The following KCNJ16 variants were observed in gnomAD, a reference collection of about 807,000 sequenced individuals.
KCNJ16 encodes the protein inward rectifier potassium channel 16.
KCNJ16 carries 15 observed loss-of-function variants against 18.5 expected under a neutral mutation model. The observed-to-expected ratio is 0.81, with a 90% CI of 0.54 to 1.25. The LOEUF (loss-of-function observed/expected upper bound fraction) is 1.25, where lower values mean the gene tolerates loss of function less well. KCNJ16 is among the 50% of genes most tolerant of loss of function. The probability of loss-of-function intolerance (pLI) is 0.00; values close to 1 mark genes in which losing one functional copy is unlikely to be tolerated. For synonymous variants in KCNJ16, 174 were observed against 186.5 expected (o/e 0.93, Z 0.55); for missense variants, 523 against 525.7 (o/e 0.99, Z 0.05).
At chr17:70,109,084 T>C (rs1452380257) in intron 2 of KCNJ16, among the ~76,000 whole-genome samples, 2 of 152,132 alleles carry the variant, frequency 1.3e-5, no homozygotes, top group Non-Finnish European at 2.9e-5. Flanking sequence ...GTGTTGTCTT[T>C]TCCTGAGTTC....
intron 1 of KCNJ16, among the ~76,000 whole-genome samples, chr17:70,100,326 C>T (rs1489703244): frequency 1.3e-5 from 2 of 152,148 alleles, no homozygotes; most frequent in African/African-American, 2.4e-5. Flanking sequence ...GATTATTATA[C>T]GGACTATCAG....
intron 2 of KCNJ16, among the ~76,000 whole-genome samples, chr17:70,109,445 G>T (rs1478545577): frequency 2.0e-5 from 3 of 152,130 alleles, no homozygotes; most frequent in Non-Finnish European, 4.4e-5. Flanking sequence ...ATCTGGATCT[G>T]TTACTTTTTT....
chr17:70,127,096 T>G (rs9909756), intron 2 of KCNJ16, among the ~76,000 whole-genome samples: 8,383 of 152,180 alleles, frequency 0.055, 786 homozygotes, highest in African/African-American at 0.19. Flanking sequence ...TTCAGGAGGA[T>G]AAATTGTAAA....
intron 1 of KCNJ16, among the ~76,000 whole-genome samples, chr17:70,085,349 AT>A (rs2071746703): frequency 6.6e-6 from 1 of 152,174 alleles, no homozygotes. Context: ...AACAGACTTT[AT>A]TTTTATGATA....
chr17:70,103,715 T>C (rs2072780361), intron 2 of KCNJ16, among the ~76,000 whole-genome samples: 1 of 151,782 alleles, frequency 6.6e-6, no homozygotes, highest in Non-Finnish European at 1.5e-5. Flanking sequence ...TCCAATCTTA[T>C]ATTTCCATTC....
chr17:70,103,324 A>ATACACACACACACATAT (rs1555589208), intron 2 of KCNJ16, among the ~76,000 whole-genome samples: 1 of 113,348 alleles, frequency 8.8e-6, no homozygotes, highest in Non-Finnish European at 1.7e-5. Flanking sequence ...ATATATATAC[A>ATACACACACACACATAT]CACACATATA....
chr17:70,119,066 C>T (rs1056191632), intron 2 of KCNJ16, among the ~76,000 whole-genome samples: 2 of 152,182 alleles, frequency 1.3e-5, no homozygotes, highest in African/African-American at 2.4e-5. Context: ...AAAAGCTCTA[C>T]AGGCCCCACA....
intron 3 of KCNJ16, chr17:70,131,206 A>AG (rs544585718): frequency 6.7e-5 from 50 of 744,928 alleles, no homozygotes; most frequent in African/African-American, 4.9e-4. Flanking sequence ...AAAAAAAAAA[A>AG]AAAGAAAGAA....
At chr17:70,129,098 A>G (rs1296508590) in intron 2 of KCNJ16, among the ~76,000 whole-genome samples, 1 of 152,138 alleles carries the variant, frequency 6.6e-6, no homozygotes, top group East Asian at 1.9e-4. Flanking sequence ...GGGAGGAGTT[A>G]TTCACCCTCC....
Position 70,111,170 on chromosome 17 carries a change from G to A in KCNJ16, c.-191+10404G>A, listed in dbSNP as rs144408421. Reference sequence around the variant, plus strand: ...GTATGAGTGTGACATTAACCATTATGCACCACTCACACCAGTTACAGAGAT... The same window carrying A: ...GTATGAGTGTGACATTAACCATTATACACCACTCACACCAGTTACAGAGAT... On this transcript the variant is annotated intron_variant, in intron 2 of 3. Transcript: ENST00000392671. 6.6e-5 allele frequency among the ~76,000 whole-genome samples: 10 copies of A among 152,268 alleles called. No individual in the cohort carries two copies. In the East Asian group the frequency reaches 1.9e-3, roughly 29 times the overall value.
chr17:70,089,663 A>G (rs2143681443), intron 1 of KCNJ16, among the ~76,000 whole-genome samples: 1 of 152,346 alleles, frequency 6.6e-6, no homozygotes, highest in South Asian at 2.1e-4. Context: ...CTTGCTGGGA[A>G]GGAGGGAAAA....
At chr17:70,088,030 A>AAAAAT (rs2143657908) in intron 1 of KCNJ16, among the ~76,000 whole-genome samples, 1 of 150,794 alleles carries the variant, frequency 6.6e-6, no homozygotes, top group East Asian at 1.9e-4. Flanking sequence ...TCAAAAAAAA[A>AAAAAT]AAAAAAAAAA....
At chr17:70,102,642 T>A (rs1279739639) in intron 2 of KCNJ16, among the ~76,000 whole-genome samples, 1 of 152,080 alleles carries the variant, frequency 6.6e-6, no homozygotes, top group African/African-American at 2.4e-5. Context: ...AAATAACCAT[T>A]TCCCTGAAAA....
At chr17:70,099,782 A>C (rs1440762983) in intron 1 of KCNJ16, among the ~76,000 whole-genome samples, 1 of 152,178 alleles carries the variant, frequency 6.6e-6, no homozygotes, top group Admixed American at 6.5e-5. Context: ...CAAAAAAGTG[A>C]CCCAAACCAA....
At chr17:70,077,966 G>A (rs556714158) in intron 1 of KCNJ16, among the ~76,000 whole-genome samples, 1 of 152,128 alleles carries the variant, frequency 6.6e-6, no homozygotes. Flanking sequence ...GTTAGCTTCT[G>A]CAGACTGGGA....
chr17:70,080,597 T>C (rs1486395314), intron 1 of KCNJ16, among the ~76,000 whole-genome samples: 1 of 152,114 alleles, frequency 6.6e-6, no homozygotes, highest in Non-Finnish European at 1.5e-5. Context: ...TTTTTTTTAA[T>C]GGAAAATTTT....
chr17:70,132,229 A>T lies in KCNJ16; in HGVS notation c.142A>T (p.Lys48Ter), dbSNP rs142011800. The T allele has an allele frequency of 9.9e-6, 16 of 1,614,136 alleles. No individual in the cohort carries two copies. In the African/African-American group the frequency reaches 2.1e-4, roughly 22 times the overall value. Residue 48 changes from lysine to a stop codon, truncating the protein, a stop_gained, in exon 4 of 4, where the codon AAG becomes TAG. Transcript: ENST00000392671. LOFTEE classifies it high-confidence loss of function. The stretch of plus-strand genomic sequence containing the variant: ...AGATGGCAGCTGTAATGTCTACTTC[A>T]AGCACATTTTTGGAGAATGGGGAAG... ...HKDGSCNVYFKHIFGEWGSYV... is the reference protein window; with the variant it reads ...HKDGSCNVYF
chr17:70,132,100 GGCA>G lies in KCNJ16; in HGVS notation c.19_21del (p.Ser7del). 6.2e-7 allele frequency: 1 copy of G among 1,614,114 alleles called. No homozygotes were observed. ...GGCACAGCAAAGAATGAGCTATTAC[GGCA>G]GCAGCTATCATATTATCAATGCGGA... is the stretch of plus-strand genomic sequence containing the variant. On this transcript the variant is annotated inframe_deletion, in exon 4 of 4. Transcript: ENST00000392671.
chr17:70,085,720 T>C (rs2071765953), intron 1 of KCNJ16, among the ~76,000 whole-genome samples: 1 of 152,176 alleles, frequency 6.6e-6, no homozygotes, highest in South Asian at 2.1e-4. Flanking sequence ...GTCTATTTCA[T>C]ACATCAACCG....
Sources: gnomAD v4.1 joint callset for allele counts (sites outside exome capture counted in the v4.1 genomes callset) on GRCh38, gnomAD v4.1.1 for gene constraint, MANE v1.5 for transcripts, NCBI Gene and HGNC (gene_info 2026-07-23, HGNC 2026-07-21) for gene names.